Variants in ANKRD28 observed in about 807,000 individuals in gnomAD.
ANKRD28 encodes serine/threonine-protein phosphatase 6 regulatory ankyrin repeat subunit A.
A neutral mutation model predicts 126.5 loss-of-function variants in ANKRD28; 44 were observed. That is an observed-to-expected ratio of 0.35 (90% confidence interval 0.27 to 0.45). The LOEUF (loss-of-function observed/expected upper bound fraction) is 0.45, where lower values mean the gene tolerates loss of function less well. Among genes scored for constraint, ANKRD28 ranks in the 20% least tolerant of loss-of-function variants. The pLI is 1.00. For missense variants in ANKRD28, 1,110 were observed against 1,316.6 expected (o/e 0.84, Z 2.43); for synonymous variants, 442 against 468.5 (o/e 0.94, Z 0.73).
chr3:15,799,534 C>T (rs2060415071), upstream of ANKRD28, among the ~76,000 whole-genome samples: 1 of 151,968 alleles, frequency 6.6e-6, no homozygotes, highest in South Asian at 2.1e-4. Context: ...ATTGAACATA[C>T]ATCAATTATG....
chr3:15,712,503 A>T lies in ANKRD28; in HGVS notation c.1191-281T>A, dbSNP rs534466215. On this transcript the variant is annotated intron_variant, in intron 10 of 27. Transcript: ENST00000683139. ...GTGCATACAGGCTTACAGGCTGTTC[A>T]GCAGCATCCCTGGGCTCTACCCAAT... Among the ~76,000 whole-genome samples the T allele has an allele frequency of 3.3e-5, 5 of 152,308 alleles. No homozygotes were observed. The East Asian group carries it at 7.7e-4, about 23-fold the overall frequency.
At chr3:15,696,532 T>C (rs1214320736) in intron 14 of ANKRD28, among the ~76,000 whole-genome samples, 1 of 152,116 alleles carries the variant, frequency 6.6e-6, no homozygotes, top group African/African-American at 2.4e-5. Context: ...ACAGTCTCTA[T>C]CTATACCACC....
Position 15,748,065 on chromosome 3 carries a change from C to T in ANKRD28, c.351+3685G>A, listed in dbSNP as rs182269928. Among the ~76,000 whole-genome samples the T allele has an allele frequency of 1.2e-3, 182 of 152,248 alleles. 1 individual carries two copies. Among genetic ancestry groups the T allele is most frequent in the African/African-American group, 4.0e-3 (167 of 41,546 alleles). ...TGGAGTATCTTTTTCTACCCCTTTA[C>T]TTAAGTTTCTGTGAGTCCTTACTCT... is the stretch of plus-strand genomic sequence containing the variant. On this transcript the variant is annotated intron_variant, in intron 4 of 27. Transcript: ENST00000683139.
chr3:15,766,052 A>G lies in ANKRD28; in HGVS notation c.280+182T>C, dbSNP rs80163631. Among the ~76,000 whole-genome samples, 1,121 of 152,230 alleles carry G rather than the reference A, an allele frequency of 7.4e-3. 6 individuals are homozygous for G. The highest frequency in any genetic ancestry group is 0.013 in the Non-Finnish European group (877 of 68,016). On this transcript the variant is annotated intron_variant, in intron 3 of 27. Transcript: ENST00000683139. ...CAATCTTTGTTTTGTTCTTTAATGT[A>G]CTCTAAGCACCCAGAAAAAGATATG... is the stretch of plus-strand genomic sequence containing the variant.
rs1017623182 is a variant in ANKRD28 at position 15,816,986 on chromosome 3, A to G, written c.28-21680T>C. On this transcript the variant is annotated intron_variant, in intron 1 of 27. Coordinates refer to the ANKRD28 transcript ENST00000399451. The surrounding 1 kb of genome is among the most constrained non-coding windows in gnomAD (Gnocchi z 5.0). ...CAAAGTGAGAGGATCACTTCAGCTC[A>G]GGAGTTGGAGACCAGCCTGGACAAC... 2.6e-5 allele frequency among the ~76,000 whole-genome samples: 4 copies of G among 152,180 alleles called. No individual in the cohort carries two copies. Among genetic ancestry groups the G allele is most frequent in the Non-Finnish European group, 4.4e-5 (3 of 68,022 alleles).
intron 2 of ANKRD28, among the ~76,000 whole-genome samples, chr3:15,785,702 T>A (rs1400764881): frequency 6.6e-6 from 1 of 152,074 alleles, no homozygotes; most frequent in African/African-American, 2.4e-5. Context: ...TCATGTTATT[T>A]GATTTTACCC....
At chr3:15,857,607 A>G (rs1002723461) in intron 1 of ANKRD28, among the ~76,000 whole-genome samples, 1 of 152,214 alleles carries the variant, frequency 6.6e-6, no homozygotes, top group African/African-American at 2.4e-5. Context: ...TTAAAGTTCA[A>G]TATTACCACT....
intron 1 of ANKRD28, among the ~76,000 whole-genome samples, chr3:15,826,184 G>A (rs1432213476): frequency 2.0e-5 from 3 of 152,130 alleles, no homozygotes; most frequent in Admixed American, 1.3e-4. Context: ...CCTAACTATA[G>A]AAAGTTAAGA....
Position 15,797,152 on chromosome 3 carries a change from T to C in ANKRD28, c.-631A>G. On this transcript the variant is annotated 5_prime_UTR_variant, in exon 1 of 28. Transcript: ENST00000683139. Reference sequence around the variant, plus strand: ...TAGAGCTCAGCACAAATCCTGAAAATGAAGCTCAGAGGTTAACAATTCTTT... The same window carrying C: ...TAGAGCTCAGCACAAATCCTGAAAACGAAGCTCAGAGGTTAACAATTCTTT... 1 of 977,198 alleles carries C rather than the reference T, an allele frequency of 1.0e-6. No individual in the cohort carries two copies. The allele number at this position is 977,198 out of a possible 1,614,324, so 60.5% of individuals were successfully genotyped here. A position where few individuals can be genotyped will look rare whatever the true frequency, so the allele number is the denominator to read the frequency against.
At chr3:15,748,243 C>T (rs1203740574) in intron 4 of ANKRD28, among the ~76,000 whole-genome samples, 4 of 152,032 alleles carry the variant, frequency 2.6e-5, no homozygotes, top group Non-Finnish European at 4.4e-5. Context: ...CTATTTGTTG[C>T]CTGAATACCT....
intron 6 of ANKRD28, among the ~76,000 whole-genome samples, chr3:15,725,539 G>C (rs1317980311): frequency 6.6e-6 from 1 of 151,986 alleles, no homozygotes; most frequent in Non-Finnish European, 1.5e-5. Flanking sequence ...AAAATTGAAA[G>C]TTTGTGGCAA....
intron 4 of ANKRD28, among the ~76,000 whole-genome samples, chr3:15,739,539 C>A (rs968175193): frequency 1.3e-5 from 2 of 152,126 alleles, no homozygotes; most frequent in Non-Finnish European, 2.9e-5. Context: ...CTATTCAAGT[C>A]CTATAAAACT....
chr3:15,834,877 C>A (rs1279551151), intron 1 of ANKRD28, among the ~76,000 whole-genome samples: 4 of 152,310 alleles, frequency 2.6e-5, no homozygotes, highest in Admixed American at 2.6e-4. Flanking sequence ...AAAAGAACTG[C>A]TGATAATACC....
intron 2 of ANKRD28, among the ~76,000 whole-genome samples, chr3:15,770,654 C>T (rs1032112604): frequency 1.3e-5 from 2 of 152,142 alleles, no homozygotes; most frequent in Non-Finnish European, 2.9e-5. Flanking sequence ...CTTCACAGAA[C>T]ACTTTTTTTC....
chr3:15,690,161 A>G lies in ANKRD28; in HGVS notation c.1821T>C (p.Asp607=), dbSNP rs767445866. The change falls in exon 18 of 28, where the codon GAT becomes GAC. Residue 607 remains aspartate, a synonymous_variant. Transcript: ENST00000683139. ...EVLVQSLLDL[D]VRNSSGRTPL... The stretch of plus-strand genomic sequence containing the variant: ...GTGTTCTTCCACTACTATTTCTGAC[A>G]TCAAGATCTAACAAAGACTGTACCA... 1 of 1,609,444 alleles carries G rather than the reference A, an allele frequency of 6.2e-7. No homozygotes were observed. The highest frequency in any genetic ancestry group is 1.3e-5 in the African/African-American group (1 of 75,018).
intron 1 of ANKRD28, among the ~76,000 whole-genome samples, chr3:15,803,069 G>A (rs2060496695): frequency 6.6e-6 from 1 of 152,170 alleles, no homozygotes; most frequent in Admixed American, 6.5e-5. Flanking sequence ...AAGTGGGTAT[G>A]GTCATGTGAT....
rs2066024516 is a variant in ANKRD28 at position 15,667,255 on chromosome 3, T to G, written c.*3015A>C. The stretch of plus-strand genomic sequence containing the variant: ...ACTTGATTTATTGCATTAAAAAACT[T>G]TATTTCTTTTAAAAGGTCCAATATA... On this transcript the variant is annotated 3_prime_UTR_variant, in exon 28 of 28. Coordinates refer to ENST00000683139, the MANE Select transcript of ANKRD28 (RefSeq NM_001349278.2). The G allele has an allele frequency of 2.6e-5, 4 of 152,314 alleles. 1 individual carries two copies. In the Middle Eastern group the frequency reaches 0.01, roughly 389 times the overall value. 9.4% of individuals were successfully genotyped at this position (152,314 alleles called of 1,614,324 possible).
At chr3:15,782,545 T>A (rs1160733939) in intron 2 of ANKRD28, among the ~76,000 whole-genome samples, 1 of 152,034 alleles carries the variant, frequency 6.6e-6, no homozygotes, top group Non-Finnish European at 1.5e-5. Flanking sequence ...GAATCCTGAG[T>A]GGCTAAGTGG....
chr3:15,807,378 TACAA>T (rs1350620821), intron 1 of ANKRD28, among the ~76,000 whole-genome samples: 4 of 152,146 alleles, frequency 2.6e-5, no homozygotes, highest in Non-Finnish European at 5.9e-5. Flanking sequence ...GACGTGGACA[TACAA>T]ACAAAATTGG....
Sources: gnomAD v4.1 joint callset for allele counts (sites outside exome capture counted in the v4.1 genomes callset) on GRCh38, gnomAD v4.1.1 for gene constraint, Gnocchi (gnomAD v3.1) non-coding constraint, MANE v1.5 for transcripts, NCBI Gene and HGNC (gene_info 2026-07-23, HGNC 2026-07-21) for gene names.